Variants in SDK1 observed in about 807,000 individuals in gnomAD.
SDK1 encodes the protein sidekick cell adhesion molecule 1.
Under a neutral mutation model 245.5 loss-of-function variants are expected in SDK1, and 157 were observed. That is an observed-to-expected ratio of 0.64 (90% CI 0.56 to 0.73). The LOEUF (loss-of-function observed/expected upper bound fraction) is 0.73, where lower values mean the gene tolerates loss of function less well. Among genes scored for constraint, SDK1 ranks in the 30% least tolerant of loss-of-function variants. SDK1 has a pLI of 0.00. For missense variants in SDK1, 3,583 were observed against 3,002.3 expected (o/e 1.19, Z -4.52); for synonymous variants, 1,647 against 1,278.5 (o/e 1.29, Z -6.15).
At chr7:3,847,680 C>G (rs1397717663) in intron 5 of SDK1, among the ~76,000 whole-genome samples, 1 of 152,220 alleles carries the variant, frequency 6.6e-6, no homozygotes, top group African/African-American at 2.4e-5. Flanking sequence ...AGCCGTGTGT[C>G]CCCTTGCACA....
chr7:3,589,309 C>T (rs1427952768), intron 1 of SDK1, among the ~76,000 whole-genome samples: 9 of 152,088 alleles, frequency 5.9e-5, no homozygotes, highest in African/African-American at 1.7e-4. Context: ...GGCCTGTTGA[C>T]GTCAGTACTG....
intron 1 of SDK1, among the ~76,000 whole-genome samples, chr7:3,507,573 T>A (rs1782432189): frequency 6.6e-6 from 1 of 152,194 alleles, no homozygotes; most frequent in Non-Finnish European, 1.5e-5. Flanking sequence ...CCCCTCTGTA[T>A]TATTATTTAA....
At chr7:3,461,514 A>C (rs527609495) in intron 1 of SDK1, among the ~76,000 whole-genome samples, 99 of 152,328 alleles carry the variant, frequency 6.5e-4, no homozygotes, top group African/African-American at 2.2e-3. Flanking sequence ...TCCTGAGAAC[A>C]GAGCAACAGT....
intron 5 of SDK1, among the ~76,000 whole-genome samples, chr7:3,860,925 C>T (rs1049674824): frequency 6.6e-6 from 1 of 152,136 alleles, no homozygotes; most frequent in African/African-American, 2.4e-5. Flanking sequence ...TAAAAACCTG[C>T]TTGCAACAAA....
At chr7:4,079,012 C>A (rs73671520) in intron 21 of SDK1, among the ~76,000 whole-genome samples, 5,379 of 152,238 alleles carry the variant, frequency 0.035, 332 homozygotes, top group African/African-American at 0.12. Flanking sequence ...CTGGGAGCAA[C>A]CCTGGGCCTA....
chr7:3,787,012 A>G (rs1029481255), intron 4 of SDK1, among the ~76,000 whole-genome samples: 20 of 152,182 alleles, frequency 1.3e-4, no homozygotes, highest in Non-Finnish European at 1.5e-5. Flanking sequence ...ATTGATAGAC[A>G]TCTTTCCCCA....
intron 44 of SDK1, among the ~76,000 whole-genome samples, chr7:4,259,524 C>A (rs528335908): frequency 6.6e-6 from 1 of 152,294 alleles, no homozygotes; most frequent in East Asian, 1.9e-4. Context: ...ATTTAAGAAT[C>A]CAGTGTTTCT....
rs1335786537 is a variant in SDK1, at chr7:4,026,013, A to G, written c.2602+8661A>G. Among the ~76,000 whole-genome samples, 3 of 152,186 alleles carry G rather than the reference A, an allele frequency of 2.0e-5. No homozygotes were observed. Among genetic ancestry groups the G allele is most frequent in the Non-Finnish European group, 4.4e-5 (3 of 68,032 alleles). On this transcript the variant is annotated intron_variant, in intron 17 of 44. Coordinates refer to ENST00000404826, the MANE Select transcript of SDK1 (RefSeq NM_152744.4). This position sits in a 1 kb window ranked among gnomAD's most constrained non-coding sequence, Gnocchi z 4.1. ...AATGCTGAATCCGGGACTGCAGCCC[A>G]GAAGGCGCATGGGGAAATTAGGTCC...
At chr7:3,877,194 C>A (rs1377992174) in intron 5 of SDK1, among the ~76,000 whole-genome samples, 1 of 152,156 alleles carries the variant, frequency 6.6e-6, no homozygotes, top group African/African-American at 2.4e-5. Flanking sequence ...CTTTCAGTCC[C>A]TAAACCCTCC....
chr7:3,548,306 T>G (rs1779294886), intron 1 of SDK1, among the ~76,000 whole-genome samples: 1 of 152,198 alleles, frequency 6.6e-6, no homozygotes, highest in African/African-American at 2.4e-5. Context: ...CTTCCCACAC[T>G]GTATACAAAA....
Position 4,194,292 on chromosome 7 carries a change from A to G in SDK1, c.5099-11587A>G, listed in dbSNP as rs141893741. Reference sequence around the variant, plus strand: ...TATACATGTATAGATATATGTATGCACGTATGTGTATACATGTATACATAT... The same window carrying G: ...TATACATGTATAGATATATGTATGCGCGTATGTGTATACATGTATACATAT... On this transcript the variant is annotated intron_variant, in intron 35 of 44. Transcript: ENST00000404826. Among the ~76,000 whole-genome samples, 162 of 102,000 alleles carry G rather than the reference A, an allele frequency of 1.6e-3. 7 individuals carry two copies. The highest frequency in any genetic ancestry group is 5.9e-3 in the African/African-American group (153 of 25,858). 66.9% of individuals were successfully genotyped at this position (102,000 alleles called of 152,430 possible). A position where few individuals can be genotyped will look rare whatever the true frequency, so the allele number is the denominator to read the frequency against.
At chr7:4,149,101 C>G (rs1465761996) in intron 29 of SDK1, among the ~76,000 whole-genome samples, 161 bp from the exon 30 acceptor site, 1 of 148,084 alleles carries the variant, frequency 6.8e-6, no homozygotes. Flanking sequence ...AGCCTCTCAT[C>G]TCCCTGACCC....
At chr7:3,571,296 C>A (rs1023133572) in intron 1 of SDK1, among the ~76,000 whole-genome samples, 1 of 151,862 alleles carries the variant, frequency 6.6e-6, no homozygotes, top group Non-Finnish European at 1.5e-5. Flanking sequence ...AAGAGAGCAG[C>A]TTTTTAATTT....
chr7:3,907,866 C>G (rs1779009612), intron 5 of SDK1, among the ~76,000 whole-genome samples: 1 of 152,102 alleles, frequency 6.6e-6, no homozygotes, highest in Non-Finnish European at 1.5e-5. Flanking sequence ...CCATGTCTAC[C>G]CAGTGTGAGT....
At chr7:3,959,123 C>A in intron 8 of SDK1, 109 bp downstream of exon 8, 3 of 854,038 alleles carry the variant, frequency 3.5e-6, no homozygotes, top group Non-Finnish European at 6.0e-6. Context: ...AGTGTGATGG[C>A]GAAGAGCAGA....
chr7:3,481,613 C>T (rs79124129), intron 1 of SDK1, among the ~76,000 whole-genome samples: 2,632 of 152,290 alleles, frequency 0.017, 71 homozygotes, highest in African/African-American at 0.06. Context: ...CACATACAAG[C>T]CCTTCCTGTG....
chr7:3,634,783 T>C (rs1782403606), intron 2 of SDK1, among the ~76,000 whole-genome samples: 1 of 152,236 alleles, frequency 6.6e-6, no homozygotes, highest in African/African-American at 2.4e-5. Context: ...ACTAAAGAGA[T>C]GGTACAAAAC....
intron 4 of SDK1, among the ~76,000 whole-genome samples, chr7:3,693,680 A>G (rs978582944): frequency 6.6e-6 from 1 of 151,974 alleles, no homozygotes; most frequent in Non-Finnish European, 1.5e-5. Context: ...TCTCTTGGAG[A>G]TCATCATCAA....
intron 5 of SDK1, among the ~76,000 whole-genome samples, chr7:3,900,632 C>G (rs1479128823): frequency 6.6e-6 from 1 of 152,136 alleles, no homozygotes; most frequent in East Asian, 1.9e-4. Flanking sequence ...AAGATTTCAA[C>G]CTGCAGAAAT....
Sources: gnomAD v4.1 joint callset for allele counts (sites outside exome capture counted in the v4.1 genomes callset) on GRCh38, gnomAD v4.1.1 for gene constraint, Gnocchi (gnomAD v3.1) non-coding constraint, MANE v1.5 for transcripts, NCBI Gene and HGNC (gene_info 2026-07-23, HGNC 2026-07-21) for gene names.